The following ULK1 variants were observed in gnomAD, a reference collection of about 807,000 sequenced individuals.
ULK1 encodes the protein unc-51 like autophagy activating kinase 1, also known as serine/threonine-protein kinase ULK1.
In ULK1, 48 loss-of-function variants were observed where a neutral mutation model predicts 117.5. The ratio of observed to expected loss-of-function variants is 0.41; its 90% CI spans 0.32 to 0.52. The LOEUF is 0.52. Among genes scored for constraint, ULK1 ranks in the 20% least tolerant of loss-of-function variants. The pLI is 0.29. For missense variants in ULK1, 1,387 were observed against 1,473.4 expected (o/e 0.94, Z 0.96); for synonymous variants, 790 against 637.8 (o/e 1.24, Z -3.60).
chr12:131,906,303 C>G (rs973555725), intron 3 of ULK1, among the ~76,000 whole-genome samples: 3 of 152,268 alleles, frequency 2.0e-5, no homozygotes, highest in South Asian at 2.1e-4. Context: ...GTTGGTCAGG[C>G]TGGTCTCGAA....
In ULK1 at chr12:131,921,378, G is replaced by T. The variant is rs776475197; in HGVS notation, c.*17G>T. The T allele has an allele frequency of 6.9e-6, 11 of 1,601,514 alleles. No individual in the cohort carries two copies. Among genetic ancestry groups the T allele is most frequent in the Middle Eastern group, 1.7e-4 (1 of 6,002 alleles). On this transcript the variant is annotated 3_prime_UTR_variant, in exon 28 of 28. Coordinates refer to ENST00000321867, the MANE Select transcript of ULK1 (RefSeq NM_003565.4). The stretch of plus-strand genomic sequence containing the variant: ...TGTGCCTGACCTTTCTGGCCTGGCT[G>T]GGCCCCCCGTCCTGCCGAGCCCTGC...
chr12:131,919,256 G>T lies in ULK1; in HGVS notation c.2556G>T (p.Leu852=). The change falls in exon 24 of 28, where the codon CTG becomes CTT. Residue 852 remains leucine (L), a synonymous_variant. Transcript: ENST00000321867. The part of the protein sequence containing the change: ...EILRGLRFTL[L]FVQHVLEIAA... Reference sequence around the variant, plus strand: ...TGCGTGGCCTGCGCTTCACGCTGCTGTTCGTGCAGCACGTCCTGGAGATCG... The same window carrying T: ...TGCGTGGCCTGCGCTTCACGCTGCTTTTCGTGCAGCACGTCCTGGAGATCG... The T allele has an allele frequency of 6.3e-7, 1 of 1,598,486 alleles. No individual in the cohort carries two copies.
In ULK1 at chr12:131,916,045, C is replaced by T. The variant is rs768072356; in HGVS notation, c.1764C>T (p.Ser588=). 3 of 1,612,360 alleles carry T rather than the reference C, an allele frequency of 1.9e-6. No individual in the cohort carries two copies. Among genetic ancestry groups the T allele is most frequent in the Non-Finnish European group, 2.5e-6 (3 of 1,179,766 alleles). The change falls in exon 19 of 28, where the codon AGC becomes AGT. Residue 588 remains serine (S), a synonymous_variant. Transcript: ENST00000321867. ...CTGTGTTCAGCCCACCACAGGCCAGCCCTCCCCAGCCGTCCCACGGCCTGC... is the reference window on the plus strand; with the variant it reads ...CTGTGTTCAGCCCACCACAGGCCAGTCCTCCCCAGCCGTCCCACGGCCTGC... ...LGAVFSPPQA[S]PPQPSHGLQS...
At chr12:131,904,314 T>C (rs2136384737) in intron 3 of ULK1, among the ~76,000 whole-genome samples, 2 of 152,122 alleles carry the variant, frequency 1.3e-5, no homozygotes, top group East Asian at 3.9e-4. Context: ...ACCTGGATAA[T>C]TTTTGTATTT....
Position 131,909,244 on chromosome 12 carries a change from G to A in ULK1, c.666+7G>A. 1 of 1,582,108 alleles carries A rather than the reference G, an allele frequency of 6.3e-7. No individual in the cohort carries two copies. Among genetic ancestry groups the A allele is most frequent in the South Asian group, 1.2e-5 (1 of 86,794 alleles). Reference sequence around the variant, plus strand: ...GGGGAAGGCGCCCTTCCAGGTAACTGGGCTTGGCCCTGCTCCCCACGCCGC... The same window carrying A: ...GGGGAAGGCGCCCTTCCAGGTAACTAGGCTTGGCCCTGCTCCCCACGCCGC... On this transcript the variant is annotated splice_region_variant and intron_variant, in intron 8 of 27. Coordinates refer to ENST00000321867, the MANE Select transcript of ULK1 (RefSeq NM_003565.4).
chr12:131,907,343 A>C (rs1889315698), intron 4 of ULK1, 152 bp from the exon 5 acceptor site: 1 of 931,064 alleles, frequency 1.1e-6, no homozygotes, highest in Non-Finnish European at 1.6e-6. Context: ...GATGTCTTCC[A>C]GCAGGGACTG....
intron 11 of ULK1, 98 bp from the exon 12 acceptor site, chr12:131,910,614 G>C (rs1280876164): frequency 3.2e-5 from 52 of 1,609,892 alleles, no homozygotes; most frequent in African/African-American, 4.0e-5. Flanking sequence ...GCCGGAAGTG[G>C]AGGGGATATG....
chr12:131,900,007 C>T (rs996975598), intron 3 of ULK1, among the ~76,000 whole-genome samples: 3 of 151,118 alleles, frequency 2.0e-5, no homozygotes, highest in Admixed American at 6.6e-5. Context: ...GTCCCAGCTA[C>T]TCATGAGGCT....
chr12:131,919,196 C>T lies in ULK1; in HGVS notation c.2512-16C>T, dbSNP rs769104935. 180 of 1,584,194 alleles carry T rather than the reference C, an allele frequency of 1.1e-4. No homozygotes were observed. The Middle Eastern group carries it at 1.8e-3, about 16-fold the overall frequency. On this transcript the variant is annotated splice_polypyrimidine_tract_variant and intron_variant, in intron 23 of 27. Transcript: ENST00000321867. ...GCCCGGGCAGCACTTGCCGCCCTGACGGCCGCTTCCTGCAGCAAGAGCACA... is the reference window on the plus strand; with the variant it reads ...GCCCGGGCAGCACTTGCCGCCCTGATGGCCGCTTCCTGCAGCAAGAGCACA...
At chr12:131,917,833 C>T (rs947118498) in intron 22 of ULK1, among the ~76,000 whole-genome samples, 9 of 152,216 alleles carry the variant, frequency 5.9e-5, no homozygotes, top group African/African-American at 1.9e-4. Flanking sequence ...TGAGCAGGGA[C>T]GGTGTCTGGA....
At chr12:131,909,287 C>T (rs1889415657) in intron 8 of ULK1, 50 bp downstream of exon 8, 2 of 1,508,674 alleles carry the variant, frequency 1.3e-6, no homozygotes, top group South Asian at 1.2e-5. Flanking sequence ...GTGCAAGTGT[C>T]CGCCAGCTGC....
intron 5 of ULK1, among the ~76,000 whole-genome samples, chr12:131,907,930 G>T (rs574200827): frequency 4.7e-4 from 72 of 151,830 alleles, no homozygotes; most frequent in African/African-American, 1.5e-3. Context: ...AGGACAGCAG[G>T]GGGGCGGCCG....
intron 25 of ULK1, 40 bp downstream of exon 25, chr12:131,919,630 G>C: frequency 1.3e-6 from 2 of 1,596,296 alleles, no homozygotes; most frequent in East Asian, 2.2e-5. Context: ...CCGGGTTGGG[G>C]AGGAAGCCCA....
Position 131,918,485 on chromosome 12 carries a change from C to G in ULK1, c.2327-12C>G, listed in dbSNP as rs754357095. 1 of 1,607,040 alleles carries G rather than the reference C, an allele frequency of 6.2e-7. No individual in the cohort carries two copies. Among genetic ancestry groups the G allele is most frequent in the Admixed American group, 1.7e-5 (1 of 59,590 alleles). ...TGGTCCTGGTGTGCCCCTCATCGCC[C>G]TCTCCCTGCAGCGGGCCCCACTGGC... On this transcript the variant is annotated splice_polypyrimidine_tract_variant and intron_variant, in intron 22 of 27. Coordinates refer to ENST00000321867, the MANE Select transcript of ULK1 (RefSeq NM_003565.4).
At chr12:131,916,318 G>T in intron 19 of ULK1, 80 bp from the exon 20 acceptor site, 1 of 1,520,016 alleles carries the variant, frequency 6.6e-7, no homozygotes, top group South Asian at 1.3e-5. Flanking sequence ...AGTTCCTGCG[G>T]ACTCGGCCCC....
rs770259942 is a variant in ULK1 at position 131,920,099 on chromosome 12, C to G, written c.2924C>G (p.Thr975Ser). Residue 975 changes from threonine (T) to serine (S), a missense_variant, in exon 26 of 28, where the codon ACT (threonine) becomes AGT (serine). By Grantham distance (58) the Thr-to-Ser change is moderately conservative. Coordinates refer to ENST00000321867, the MANE Select transcript of ULK1 (RefSeq NM_003565.4). ...QRLLDRIHSI[T>S]AERLIFSHAV... ...CTCCTGGACCGCATTCACAGCATCA[C>G]TGCCGAGAGGCTCATCTTCAGCCAC... The G allele has an allele frequency of 9.3e-6, 15 of 1,612,838 alleles. No individual in the cohort carries two copies. The highest frequency in any genetic ancestry group is 3.3e-5 in the South Asian group (3 of 91,088).
In ULK1 at chr12:131,923,116, A is replaced by G. The variant is rs1890222210; in HGVS notation, c.*1755A>G. 1 of 152,230 alleles carries G rather than the reference A, an allele frequency of 6.6e-6. No individual in the cohort carries two copies. The highest frequency in any genetic ancestry group is 1.5e-5 in the Non-Finnish European group (1 of 68,040). The allele number at this position is 152,230 out of a possible 1,614,324, so 9.4% of individuals were successfully genotyped here. On this transcript the variant is annotated 3_prime_UTR_variant, in exon 28 of 28. Transcript: ENST00000321867. ...CCTGCCCTTTGCGTTATATTGTATA[A>G]TACCAACGTAAGGAAATAAACCTTT...
chr12:131,895,151 T>G, intron 1 of ULK1, 39 bp downstream of exon 1: 1 of 1,320,004 alleles, frequency 7.6e-7, no homozygotes. Context: ...CCGCCCAGGA[T>G]CCCCTGCCCC....
chr12:131,897,848 G>T (rs757781703), intron 3 of ULK1: 1 of 152,116 alleles, frequency 6.6e-6, no homozygotes, highest in Non-Finnish European at 1.5e-5. Flanking sequence ...GCAGTGAGCC[G>T]TGATGTTGCC....
Sources: allele counts gnomAD v4.1 joint callset (sites outside exome capture counted in the v4.1 genomes callset), GRCh38; gene constraint gnomAD v4.1.1; transcripts MANE v1.5; gene names NCBI Gene and HGNC (gene_info 2026-07-23, HGNC 2026-07-21).